The following CHST11 variants were observed in gnomAD, a reference collection of about 807,000 sequenced individuals.
CHST11 encodes the protein carbohydrate sulfotransferase 11.
A neutral mutation model predicts 30.4 loss-of-function variants in CHST11; 9 were observed. The ratio of observed to expected loss-of-function variants is 0.30; its 90% CI spans 0.18 to 0.52. The LOEUF (loss-of-function observed/expected upper bound fraction) is 0.52, where lower values mean the gene tolerates loss of function less well. Among genes scored for constraint, CHST11 ranks in the 20% least tolerant of loss-of-function variants. CHST11 has a pLI of 0.97. For missense variants in CHST11, 348 were observed against 460.6 expected, an observed-to-expected ratio of 0.76 and a Z score of 2.24; for synonymous variants, 152 against 187.8, an observed-to-expected ratio of 0.81 and a Z score of 1.56.
chr12:104,578,079 T>C (rs2136029436), intron 1 of CHST11, among the ~76,000 whole-genome samples: 1 of 152,266 alleles, frequency 6.6e-6, no homozygotes, highest in East Asian at 1.9e-4. Flanking sequence ...GGGAGTGGAC[T>C]GGGAGGTGCA....
chr12:104,723,779 G>A (rs1000651197), intron 2 of CHST11, among the ~76,000 whole-genome samples: 3 of 152,222 alleles, frequency 2.0e-5, no homozygotes, highest in East Asian at 1.9e-4. Context: ...AAGACCGAGC[G>A]ATTGGACTGG....
intron 2 of CHST11, among the ~76,000 whole-genome samples, chr12:104,691,055 T>C (rs1259395258): frequency 6.6e-6 from 1 of 152,216 alleles, no homozygotes; most frequent in Non-Finnish European, 1.5e-5. Context: ...TACCATCTTC[T>C]TTCCTCCCAA....
intron 1 of CHST11, among the ~76,000 whole-genome samples, chr12:104,559,522 C>T (rs774997674): frequency 2.0e-5 from 3 of 152,208 alleles, no homozygotes; most frequent in African/African-American, 4.8e-5. Flanking sequence ...GCAGGTGAAT[C>T]ACCTAAGGTC....
intron 2 of CHST11, among the ~76,000 whole-genome samples, chr12:104,620,673 G>A (rs534205238): frequency 3.3e-5 from 5 of 152,210 alleles, no homozygotes; most frequent in Middle Eastern, 3.4e-3. Context: ...AGAGTAAAGC[G>A]TCATTTTTCT....
chr12:104,504,911 C>T (rs1045998343), intron 1 of CHST11, among the ~76,000 whole-genome samples: 3 of 152,138 alleles, frequency 2.0e-5, no homozygotes, highest in Non-Finnish European at 4.4e-5. Flanking sequence ...AAATGACTCC[C>T]AGGTGATCCT....
intron 2 of CHST11, among the ~76,000 whole-genome samples, chr12:104,684,569 A>T (rs931590405): frequency 6.6e-6 from 1 of 152,164 alleles, no homozygotes; most frequent in East Asian, 1.9e-4. Context: ...TTTGTTAGAG[A>T]CGGAGTCTCA....
At chr12:104,463,094 G>T (rs956376605) in intron 1 of CHST11, among the ~76,000 whole-genome samples, 1 of 152,150 alleles carries the variant, frequency 6.6e-6, no homozygotes, top group Non-Finnish European at 1.5e-5. Flanking sequence ...TATCAGCACA[G>T]TCATTTCAAA....
chr12:104,566,674 A>C (rs2038570177), intron 1 of CHST11, among the ~76,000 whole-genome samples: 1 of 152,076 alleles, frequency 6.6e-6, no homozygotes, highest in South Asian at 2.1e-4. Context: ...GGCCTTTATA[A>C]CTCAATGCTC....
intron 1 of CHST11, among the ~76,000 whole-genome samples, chr12:104,488,484 AGTGT>A (rs1022050529): frequency 7.1e-6 from 1 of 140,002 alleles, no homozygotes; most frequent in Non-Finnish European, 1.5e-5. Context: ...CATGTGTATG[AGTGT>A]GTGTATGTGT....
intron 2 of CHST11, among the ~76,000 whole-genome samples, chr12:104,687,829 A>G (rs2039863092): frequency 6.6e-6 from 1 of 152,150 alleles, no homozygotes; most frequent in South Asian, 2.1e-4. Flanking sequence ...AGTAACACCA[A>G]CAATATTTCC....
chr12:104,587,543 G>A (rs985450022), intron 1 of CHST11, among the ~76,000 whole-genome samples: 10 of 152,068 alleles, frequency 6.6e-5, no homozygotes, highest in Non-Finnish European at 1.0e-4. Context: ...GACTACAGGC[G>A]TGCACCACCA....
intron 1 of CHST11, among the ~76,000 whole-genome samples, chr12:104,545,836 T>TC (rs1555231480): frequency 3.3e-4 from 11 of 33,700 alleles, no homozygotes; most frequent in Non-Finnish European, 4.3e-4. Context: ...TCTGTCTCTC[T>TC]TTTTTTAAAA....
rs182379939 is a variant in CHST11, at chr12:104,572,379, C to T, written c.119-29527C>T. ...TTGGTTGGTAAGCTATTAAGTATTG[C>T]CTCAATTTCAGAGCCTGTTATTGGT... On this transcript the variant is annotated intron_variant, in intron 1 of 2. Coordinates refer to ENST00000303694, the MANE Select transcript of CHST11 (RefSeq NM_018413.6). 6.6e-3 allele frequency among the ~76,000 whole-genome samples: 992 copies of T among 150,774 alleles called. 10 individuals are homozygous for T. The highest frequency in any genetic ancestry group is 0.014 in the Middle Eastern group (4 of 294).
intron 1 of CHST11, among the ~76,000 whole-genome samples, chr12:104,588,551 C>A (rs2038827435): frequency 6.6e-6 from 1 of 152,222 alleles, no homozygotes; most frequent in South Asian, 2.1e-4. Flanking sequence ...CAGACCCACC[C>A]AGGTGGCTTC....
chr12:104,673,469 GT>G (rs1274902055), intron 2 of CHST11, among the ~76,000 whole-genome samples: 4 of 152,174 alleles, frequency 2.6e-5, no homozygotes, highest in African/African-American at 9.7e-5. Flanking sequence ...TTGGGCCTCA[GT>G]TTCTTCACCT....
chr12:104,697,728 C>T lies in CHST11; in HGVS notation c.205-59221C>T, dbSNP rs545769930. On this transcript the variant is annotated intron_variant, in intron 2 of 2. Transcript: ENST00000303694. Reference sequence around the variant, plus strand: ...AAGAAAATTTAAAACAAGGAGCTTGCTCAGAAGTGGCATGACCTGCCCATG... The same window carrying T: ...AAGAAAATTTAAAACAAGGAGCTTGTTCAGAAGTGGCATGACCTGCCCATG... Among the ~76,000 whole-genome samples, 48 of 152,314 alleles carry T rather than the reference C, an allele frequency of 3.2e-4. No homozygotes were observed. The South Asian group carries it at 9.3e-3, about 30-fold the overall frequency.
chr12:104,711,414 ATAGAAT>A (rs2040086833), intron 2 of CHST11, among the ~76,000 whole-genome samples: 2 of 152,226 alleles, frequency 1.3e-5, no homozygotes, highest in African/African-American at 2.4e-5. Flanking sequence ...ATGGTAGGAA[ATAGAAT>A]TAGAAATGAT....
In CHST11 at chr12:104,714,566, ATGATGATGATGG is replaced by A. The variant is rs1222459470; in HGVS notation, c.205-42379_205-42368del. Among the ~76,000 whole-genome samples, 676 of 118,804 alleles carry A rather than the reference ATGATGATGATGG, an allele frequency of 5.7e-3. 6 individuals are homozygous for A. Among genetic ancestry groups the A allele is most frequent in the African/African-American group, 0.022 (640 of 29,190 alleles). 77.9% of individuals were successfully genotyped at this position (118,804 alleles called of 152,430 possible). On this transcript the variant is annotated intron_variant, in intron 2 of 2. Coordinates refer to ENST00000303694, the MANE Select transcript of CHST11 (RefSeq NM_018413.6). ...TGTGGAGGTGGTGATGATGATGATG[ATGATGATGATGG>A]TGACGGTGATGATGACAAGGACAAT...
intron 2 of CHST11, among the ~76,000 whole-genome samples, chr12:104,666,431 C>G (rs1468244610): frequency 6.6e-6 from 1 of 152,140 alleles, no homozygotes; most frequent in Non-Finnish European, 1.5e-5. Flanking sequence ...GTCCCCTTTA[C>G]CTTGAATTCT....
Sources: allele counts gnomAD v4.1 joint callset (sites outside exome capture counted in the v4.1 genomes callset), GRCh38; gene constraint gnomAD v4.1.1; transcripts MANE v1.5; gene names NCBI Gene and HGNC (gene_info 2026-07-23, HGNC 2026-07-21).